Variants in SMAP1 observed in about 807,000 individuals in gnomAD.
SMAP1 encodes small ArfGAP 1.
Under a neutral mutation model 58.5 loss-of-function variants are expected in SMAP1, and 24 were observed. The observed-to-expected ratio is 0.41, with a 90% CI of 0.30 to 0.58. SMAP1 has a LOEUF of 0.58. SMAP1 is among the 20% of genes least tolerant of loss of function. The probability of loss-of-function intolerance (pLI) is 0.29; values close to 1 mark genes in which losing one functional copy is unlikely to be tolerated. For missense variants in SMAP1, 563 were observed against 566.3 expected, an observed-to-expected ratio of 0.99 and a Z score of 0.06; for synonymous variants, 216 against 196.6, an observed-to-expected ratio of 1.10 and a Z score of -0.82.
chr6:70,768,436 T>C (rs1306648139), intron 3 of SMAP1, among the ~76,000 whole-genome samples: 2 of 152,218 alleles, frequency 1.3e-5, no homozygotes, highest in South Asian at 2.1e-4. Context: ...GCTCCTGTTA[T>C]TGGTCTGTTC....
At chr6:70,797,961 A>C (rs2149951982) in intron 5 of SMAP1, among the ~76,000 whole-genome samples, 1 of 152,050 alleles carries the variant, frequency 6.6e-6, no homozygotes, top group South Asian at 2.1e-4. Context: ...TTTATTGTTG[A>C]TACTTTTAAT....
chr6:70,796,485 T>G (rs2149950275), intron 5 of SMAP1, among the ~76,000 whole-genome samples: 1 of 152,340 alleles, frequency 6.6e-6, no homozygotes, highest in East Asian at 1.9e-4. Flanking sequence ...AATTAGACAA[T>G]AAGGTGCTTA....
chr6:70,826,607 T>C lies in SMAP1; in HGVS notation c.577-10334T>C, dbSNP rs1241313855. The stretch of plus-strand genomic sequence containing the variant: ...GGTGAAATTCCATCTCTACAAAAAA[T>C]TAGCTGGGCGTGGTGGCTTGTACCT... On this transcript the variant is annotated intron_variant, in intron 6 of 10. Transcript: ENST00000370455. Among the ~76,000 whole-genome samples, 3 of 151,888 alleles carry C rather than the reference T, an allele frequency of 2.0e-5. No homozygotes were observed. The East Asian group carries it at 5.8e-4, about 29-fold the overall frequency.
rs1484094984 is a variant in SMAP1, at chr6:70,788,203, AGAAAC to A, written c.415-3480_415-3476del. Reference sequence around the variant, plus strand: ...TTCTCAGCAAACTATCGCAAGGACAAGAAACGAAACACCACATGTTCTCACTCATA... The same window carrying A: ...TTCTCAGCAAACTATCGCAAGGACAAGAAACACCACATGTTCTCACTCATA... On this transcript the variant is annotated intron_variant, in intron 4 of 10. Coordinates refer to ENST00000370455, the MANE Select transcript of SMAP1 (RefSeq NM_001044305.3). Among the ~76,000 whole-genome samples, 16 of 150,734 alleles carry A rather than the reference AGAAAC, an allele frequency of 1.1e-4. No individual in the cohort carries two copies. In the East Asian group the frequency reaches 2.2e-3, roughly 21 times the overall value.
In SMAP1 at chr6:70,787,073, A is replaced by T. The variant is rs570783333; in HGVS notation, c.415-4616A>T. On this transcript the variant is annotated intron_variant, in intron 4 of 10. Transcript: ENST00000370455. ...TATACTACAAGGCTACAGTAACCAA[A>T]ACAGCATGGTACTGGTACCAAAACA... 2.6e-5 allele frequency among the ~76,000 whole-genome samples: 4 copies of T among 152,316 alleles called. No individual in the cohort carries two copies. The South Asian group carries it at 8.3e-4, about 32-fold the overall frequency.
chr6:70,820,100 G>C (rs953611091), intron 6 of SMAP1, among the ~76,000 whole-genome samples: 1 of 152,046 alleles, frequency 6.6e-6, no homozygotes, highest in East Asian at 1.9e-4. Context: ...GGAGCTATAG[G>C]GATGTGATTA....
chr6:70,673,384 C>T (rs1766346892), intron 1 of SMAP1, among the ~76,000 whole-genome samples: 1 of 152,218 alleles, frequency 6.6e-6, no homozygotes, highest in South Asian at 2.1e-4. Context: ...CTTGTGCTTT[C>T]CATGTGCAGA....
At chr6:70,731,322 TGTA>T (rs1471723650) in intron 1 of SMAP1, among the ~76,000 whole-genome samples, 1 of 152,234 alleles carries the variant, frequency 6.6e-6, no homozygotes, top group Admixed American at 6.5e-5. Flanking sequence ...TATGAAGACT[TGTA>T]CAGCTAAGAC....
In SMAP1 at chr6:70,716,899, TTC is replaced by T. The variant is rs1053960788; in HGVS notation, c.119-15475_119-15474del. Among the ~76,000 whole-genome samples, 11 of 152,272 alleles carry T rather than the reference TTC, an allele frequency of 7.2e-5. No homozygotes were observed. In the East Asian group the frequency reaches 1.5e-3, roughly 21 times the overall value. ...CCTGGTTCTTTTATCTGGAACATAT[TTC>T]TCTGTTTCTTTATTGCCCTCACTCT... On this transcript the variant is annotated intron_variant, in intron 1 of 10. Coordinates refer to ENST00000370455, the MANE Select transcript of SMAP1 (RefSeq NM_001044305.3).
chr6:70,839,994 C>T (rs536318173), intron 7 of SMAP1, among the ~76,000 whole-genome samples: 4 of 152,204 alleles, frequency 2.6e-5, no homozygotes, highest in African/African-American at 4.8e-5. Context: ...AGAAGCATGC[C>T]GCTCTCCTCC....
At chr6:70,773,220 A>G in intron 3 of SMAP1, 130 bp from the exon 4 acceptor site, 1 of 582,410 alleles carries the variant, frequency 1.7e-6, no homozygotes, top group Non-Finnish European at 3.0e-6. Context: ...TGCAGAAATA[A>G]TGTGAAAGAG....
chr6:70,739,004 T>C (rs184007042), intron 2 of SMAP1, among the ~76,000 whole-genome samples: 2 of 152,330 alleles, frequency 1.3e-5, no homozygotes, highest in Admixed American at 1.3e-4. Flanking sequence ...TACAGTTGAT[T>C]AAAGTACAAT....
intron 1 of SMAP1, among the ~76,000 whole-genome samples, chr6:70,674,445 G>A (rs922332269): frequency 2.6e-5 from 4 of 151,934 alleles, no homozygotes; most frequent in East Asian, 1.9e-4. Context: ...TCTACTAATC[G>A]TCTTTTCACG....
intron 1 of SMAP1, among the ~76,000 whole-genome samples, chr6:70,704,521 G>A (rs1041079486): frequency 1.3e-5 from 2 of 151,984 alleles, no homozygotes; most frequent in South Asian, 2.1e-4. Context: ...TTCAAATAAC[G>A]TCTCCTTCCA....
chr6:70,852,453 T>TA, intron 7 of SMAP1, 87 bp from the exon 8 acceptor site: 2 of 1,253,776 alleles, frequency 1.6e-6, no homozygotes, highest in East Asian at 2.8e-5. Flanking sequence ...TCTTTTTTTT[T>TA]AACCATATAT....
chr6:70,831,681 G>T (rs1406243463), intron 6 of SMAP1, among the ~76,000 whole-genome samples: 1 of 152,070 alleles, frequency 6.6e-6, no homozygotes, highest in East Asian at 1.9e-4. Flanking sequence ...TGGGCATTTA[G>T]GTTGATTCCA....
chr6:70,682,140 A>G (rs936543652), intron 1 of SMAP1, among the ~76,000 whole-genome samples: 11 of 149,214 alleles, frequency 7.4e-5, no homozygotes, highest in African/African-American at 2.0e-4. Flanking sequence ...GTGGGACATC[A>G]TAGGGGATTT....
At position 70,837,038 on chromosome 6, in the gene SMAP1, A is replaced by G; in HGVS notation, c.664+10A>G. The G allele has an allele frequency of 1.9e-6, 3 of 1,555,032 alleles. No individual in the cohort carries two copies. The highest frequency in any genetic ancestry group is 1.7e-4 in the Middle Eastern group (1 of 5,818). ...GATCTTTTAGGACTTGGTAAGTAAT[A>G]AAAAATAAAAGTCACTGCTGGAGTT... On this transcript the variant is annotated intron_variant, in intron 7 of 10. Coordinates refer to ENST00000370455, the MANE Select transcript of SMAP1 (RefSeq NM_001044305.3).
chr6:70,798,372 A>AT (rs929514005), intron 5 of SMAP1, among the ~76,000 whole-genome samples: 1 of 151,852 alleles, frequency 6.6e-6, no homozygotes, highest in African/African-American at 2.4e-5. Flanking sequence ...GATCTCATTC[A>AT]TTTAAAACAA....
Sources: gnomAD v4.1 joint callset for allele counts (sites outside exome capture counted in the v4.1 genomes callset) on GRCh38, gnomAD v4.1.1 for gene constraint, MANE v1.5 for transcripts, NCBI Gene and HGNC (gene_info 2026-07-23, HGNC 2026-07-21) for gene names.